RBL2: variants seen among roughly 807,000 people sequenced by gnomAD.
RBL2 encodes the protein retinoblastoma-like protein 2.
A neutral mutation model predicts 126.0 loss-of-function variants in RBL2; 56 were observed. That is an observed-to-expected ratio of 0.44 (90% CI 0.36 to 0.56). RBL2 has a LOEUF of 0.56. Among genes scored for constraint, RBL2 ranks in the 20% least tolerant of loss-of-function variants. The probability of loss-of-function intolerance (pLI) is 0.00; values close to 1 mark genes in which losing one functional copy is unlikely to be tolerated. For missense variants in RBL2, 1,229 were observed against 1,398.2 expected (o/e 0.88, Z 1.93); for synonymous variants, 454 against 478.5 (o/e 0.95, Z 0.67).
Position 53,438,614 on chromosome 16 carries a change from C to T in RBL2, c.241-402C>T, listed in dbSNP as rs377222204. ...ATCCCAGCACTTTGGAAGGCCAAGG[C>T]GGATGGATCACTTGAGGCCAGGAGT... On this transcript the variant is annotated intron_variant, in intron 1 of 21. Transcript: ENST00000262133. Among the ~76,000 whole-genome samples the T allele has an allele frequency of 3.1e-3, 468 of 151,984 alleles. 4 individuals carry two copies. The highest frequency in any genetic ancestry group is 0.011 in the African/African-American group (439 of 41,466).
intron 3 of RBL2, among the ~76,000 whole-genome samples, chr16:53,446,081 G>GT (rs763064976): frequency 5.9e-5 from 9 of 151,694 alleles, no homozygotes; most frequent in Middle Eastern, 3.4e-3. Flanking sequence ...GGTTAGTCAA[G>GT]TTTTTTTTTC....
chr16:53,444,420 G>A (rs754769457), intron 3 of RBL2, among the ~76,000 whole-genome samples: 64 of 152,016 alleles, frequency 4.2e-4, no homozygotes, highest in Admixed American at 1.9e-3. Context: ...GGGTGTGGTG[G>A]TGGGTGCCTG....
intron 2 of RBL2, 63 bp from the exon 3 acceptor site, chr16:53,442,595 C>T: frequency 8.1e-7 from 1 of 1,227,040 alleles, no homozygotes; most frequent in Non-Finnish European, 1.2e-6. Context: ...CTTTTGAATA[C>T]TTACTTTTGT....
intron 9 of RBL2, among the ~76,000 whole-genome samples, chr16:53,460,059 C>G (rs1369804768): frequency 6.6e-6 from 1 of 152,128 alleles, no homozygotes; most frequent in East Asian, 1.9e-4. Context: ...GGACAAAAAC[C>G]ACTGTAACTT....
At chr16:53,480,960 A>G in intron 20 of RBL2, 191 bp downstream of exon 20, 1 of 498,292 alleles carries the variant, frequency 2.0e-6, no homozygotes, top group Non-Finnish European at 3.5e-6. Flanking sequence ...GGAGTTCAAG[A>G]CCAGCCTGGC....
intron 3 of RBL2, among the ~76,000 whole-genome samples, chr16:53,445,157 T>C (rs1287977184): frequency 1.3e-5 from 2 of 151,882 alleles, no homozygotes; most frequent in Admixed American, 6.6e-5. Flanking sequence ...CGAAACTTCA[T>C]CTCCACAAAA....
Position 53,481,817 on chromosome 16 carries a change from C to T in RBL2, c.3231C>T (p.Phe1077=), listed in dbSNP as rs370432224. 4.6e-5 allele frequency: 73 copies of T among 1,584,472 alleles called. No individual in the cohort carries two copies. In the South Asian group the frequency reaches 6.4e-4, roughly 14 times the overall value. ...CTCGAGAAAAGATTTTCTATTACTT[C>T]AGCAACAGTCCTTCAAAGGTGAGCC... ...LSPREKIFYY[F]SNSPSKRLRE... The change falls in exon 21 of 22, where the codon TTC becomes TTT. Residue 1077 remains phenylalanine, a synonymous_variant. Coordinates refer to ENST00000262133, the MANE Select transcript of RBL2 (RefSeq NM_005611.4).
rs551307125 is a variant in RBL2, at chr16:53,487,433, G to A, written c.3250-2697G>A. Among the ~76,000 whole-genome samples the A allele has an allele frequency of 2.6e-5, 4 of 152,292 alleles. 1 individual carries two copies. The highest frequency in any genetic ancestry group is 9.6e-5 in the African/African-American group (4 of 41,570). On this transcript the variant is annotated intron_variant, in intron 21 of 21. Transcript: ENST00000262133. Reference sequence around the variant, plus strand: ...TTCAACAAAGGTGCAAAGGCAATTTGGTAGAGAAAGGATAGCCTTTTCAAC... The same window carrying A: ...TTCAACAAAGGTGCAAAGGCAATTTAGTAGAGAAAGGATAGCCTTTTCAAC...
chr16:53,463,859 G>A (rs952832607), intron 11 of RBL2, among the ~76,000 whole-genome samples: 2 of 152,024 alleles, frequency 1.3e-5, no homozygotes, highest in Admixed American at 6.6e-5. Flanking sequence ...GAGCCACTGC[G>A]CCCGGTCCCC....
At chr16:53,447,541 A>G (rs963720988) in intron 4 of RBL2, among the ~76,000 whole-genome samples, 1 of 151,932 alleles carries the variant, frequency 6.6e-6, no homozygotes, top group East Asian at 1.9e-4. Context: ...GCTTTTATAT[A>G]CTATTTATTT....
At chr16:53,477,900 C>T (rs1960793906) in intron 17 of RBL2, among the ~76,000 whole-genome samples, 1 of 152,136 alleles carries the variant, frequency 6.6e-6, no homozygotes, top group Admixed American at 6.5e-5. Context: ...GTGCTCTTGG[C>T]TTTCTTCATG....
At chr16:53,474,632 T>A (rs2150818664) in intron 17 of RBL2, among the ~76,000 whole-genome samples, 1 of 152,320 alleles carries the variant, frequency 6.6e-6, no homozygotes, top group South Asian at 2.1e-4. Flanking sequence ...TCTTTTTATA[T>A]GTTGCTAGGT....
chr16:53,472,173 A>T (rs1960547510), intron 17 of RBL2, among the ~76,000 whole-genome samples: 5 of 152,198 alleles, frequency 3.3e-5, no homozygotes, highest in Non-Finnish European at 5.9e-5. Flanking sequence ...ACTGATGGAT[A>T]TTTGGGCTGT....
At chr16:53,434,924 T>G in intron 1 of RBL2, 128 bp downstream of exon 1, 1 of 1,331,462 alleles carries the variant, frequency 7.5e-7, no homozygotes, top group South Asian at 1.7e-5. Flanking sequence ...GGGTGGGGAC[T>G]TCCTCTGCGC....
intron 4 of RBL2, among the ~76,000 whole-genome samples, chr16:53,450,968 T>C (rs2058109342): frequency 6.6e-6 from 1 of 151,928 alleles, no homozygotes; most frequent in African/African-American, 2.4e-5. Context: ...ATGAGAATAA[T>C]TAAGTGAATT....
intron 8 of RBL2, among the ~76,000 whole-genome samples, chr16:53,455,110 A>G (rs969820843): frequency 1.3e-5 from 2 of 152,244 alleles, no homozygotes; most frequent in African/African-American, 2.4e-5. Flanking sequence ...TTTTAAAAAG[A>G]TGGGCCAGTA....
At chr16:53,449,001 G>A (rs1281576433) in intron 4 of RBL2, 1 of 152,196 alleles carries the variant, frequency 6.6e-6, no homozygotes, top group African/African-American at 2.4e-5. Flanking sequence ...CCTTCCCTGA[G>A]CTGCATGCTT....
intron 8 of RBL2, among the ~76,000 whole-genome samples, chr16:53,458,889 G>A (rs1283456893): frequency 6.6e-6 from 1 of 152,190 alleles, no homozygotes; most frequent in Non-Finnish European, 1.5e-5. Flanking sequence ...GCCTCACACA[G>A]CACATGGGAA....
Position 53,454,795 on chromosome 16 carries a change from G to A in RBL2, c.1132G>A (p.Ala378Thr), listed in dbSNP as rs763258930. 8 of 1,613,960 alleles carry A rather than the reference G, an allele frequency of 5.0e-6. No homozygotes were observed. Among genetic ancestry groups the A allele is most frequent in the Admixed American group, 1.7e-5 (1 of 59,992 alleles). The change falls in exon 8 of 22, where the codon GCT becomes ACT. Residue 378 changes from alanine to threonine, a missense_variant. Transcript: ENST00000262133. ...CLNAGSGTET[A>T]ERVQMKNILQ... ...GAACGCTGGTTCAGGAACAGAGACT[G>A]CTGAAAGGGTGCAGATGAAAAACAT...
Sources: gnomAD v4.1 joint callset for allele counts (sites outside exome capture counted in the v4.1 genomes callset) on GRCh38, gnomAD v4.1.1 for gene constraint, MANE v1.5 for transcripts, NCBI Gene and HGNC (gene_info 2026-07-23, HGNC 2026-07-21) for gene names.